The following XPR1 variants were observed in gnomAD, a reference collection of about 807,000 sequenced individuals.
XPR1 encodes the protein solute carrier family 53 member 1.
XPR1 carries 28 observed loss-of-function variants against 87.5 expected under a neutral mutation model. That is an observed-to-expected ratio of 0.32 (90% CI 0.24 to 0.44). The LOEUF (loss-of-function observed/expected upper bound fraction) is 0.44, where lower values mean the gene tolerates loss of function less well. Ranked by LOEUF, XPR1 falls within the 20% of genes least tolerant of loss-of-function variation. The pLI, the probability that XPR1 is intolerant of heterozygous loss-of-function variation, is 1.00. For missense variants in XPR1, 559 were observed against 862.3 expected, an observed-to-expected ratio of 0.65 and a Z score of 4.41; for synonymous variants, 300 against 306.1, an observed-to-expected ratio of 0.98 and a Z score of 0.21.
At chr1:180,642,194 C>T (rs1033981826) in intron 1 of XPR1, among the ~76,000 whole-genome samples, 10 of 152,062 alleles carry the variant, frequency 6.6e-5, no homozygotes, top group African/African-American at 2.4e-4. Context: ...CTTGAGGGGT[C>T]AGGTAACAAT....
At chr1:180,679,542 C>T (rs1031055970) in intron 1 of XPR1, among the ~76,000 whole-genome samples, 1 of 152,162 alleles carries the variant, frequency 6.6e-6, no homozygotes, top group Non-Finnish European at 1.5e-5. Context: ...GTATTTCAAG[C>T]TTTGAAGCTA....
At chr1:180,685,661 A>C (rs1656743469) in intron 2 of XPR1, among the ~76,000 whole-genome samples, 1 of 152,172 alleles carries the variant, frequency 6.6e-6, no homozygotes, top group African/African-American at 2.4e-5. Flanking sequence ...CCTCAATTTC[A>C]GAGCCTGTTA....
chr1:180,717,848 A>G (rs1306506728), intron 2 of XPR1, among the ~76,000 whole-genome samples: 1 of 152,154 alleles, frequency 6.6e-6, no homozygotes, highest in Admixed American at 6.5e-5. Flanking sequence ...CTAGCACACT[A>G]CTATTAGGTT....
At chr1:180,643,938 C>T (rs1033697317) in intron 1 of XPR1, among the ~76,000 whole-genome samples, 19 of 152,200 alleles carry the variant, frequency 1.2e-4, no homozygotes, top group African/African-American at 4.6e-4. Flanking sequence ...AATGTCTTTA[C>T]TCTGATGAAT....
At chr1:180,858,330 C>T (rs1652102282) in intron 11 of XPR1, among the ~76,000 whole-genome samples, 1 of 152,184 alleles carries the variant, frequency 6.6e-6, no homozygotes, top group Non-Finnish European at 1.5e-5. Flanking sequence ...ATCTTACTTC[C>T]CTCATCTGAG....
intron 3 of XPR1, among the ~76,000 whole-genome samples, chr1:180,794,581 A>G (rs74135835): frequency 0.024 from 3,690 of 152,320 alleles, 152 homozygotes; most frequent in African/African-American, 0.083. Flanking sequence ...ACTGACATGA[A>G]GAAGCCTTGA....
Position 180,806,221 on chromosome 1 carries a change from T to G in XPR1, c.597+10T>G. On this transcript the variant is annotated intron_variant, in intron 5 of 14. Coordinates refer to ENST00000367590, the MANE Select transcript of XPR1 (RefSeq NM_004736.4). ...TATCTCTGAAACTGAGGTACAATAA[T>G]CTCGTTTATTTACAACGTATTTTCA... 1.2e-6 allele frequency: 2 copies of G among 1,609,648 alleles called. No individual in the cohort carries two copies. Among genetic ancestry groups the G allele is most frequent in the Non-Finnish European group, 1.7e-6 (2 of 1,177,120 alleles).
intron 11 of XPR1, among the ~76,000 whole-genome samples, chr1:180,847,542 A>C (rs1651723799): frequency 6.6e-6 from 1 of 152,180 alleles, no homozygotes. Context: ...AATTGAGAGA[A>C]TAATTCCCAC....
chr1:180,683,468 T>C lies in XPR1; in HGVS notation c.121+1057T>C, dbSNP rs200445279. ...TATAGCAGCGTGATTTATAATCCTT[T>C]GGGTATATACCCAGTAATGGGATGG... On this transcript the variant is annotated intron_variant, in intron 2 of 14. Transcript: ENST00000367590. Among the ~76,000 whole-genome samples the C allele has an allele frequency of 0.022, 3,340 of 152,316 alleles. 409 individuals carry two copies. In the East Asian group the frequency reaches 0.36, roughly 17 times the overall value.
chr1:180,754,820 T>A (rs1450445302), intron 2 of XPR1, among the ~76,000 whole-genome samples: 1 of 152,092 alleles, frequency 6.6e-6, no homozygotes, highest in East Asian at 1.9e-4. Flanking sequence ...CTCAAAAAAT[T>A]TCATGTCTTC....
intron 3 of XPR1, 33 bp downstream of exon 3, chr1:180,787,887 C>A: frequency 6.9e-7 from 1 of 1,448,038 alleles, no homozygotes; most frequent in Admixed American, 1.9e-5. Flanking sequence ...TTTTTGCTGC[C>A]GGGGAAGGAT....
intron 3 of XPR1, among the ~76,000 whole-genome samples, chr1:180,801,716 G>A (rs1484981798): frequency 5.9e-5 from 9 of 151,864 alleles, no homozygotes; most frequent in African/African-American, 1.9e-4. Flanking sequence ...GAAAGCATAA[G>A]TTGTAAATAA....
At chr1:180,708,916 G>A (rs1439119994) in intron 2 of XPR1, among the ~76,000 whole-genome samples, 2 of 116,612 alleles carry the variant, frequency 1.7e-5, no homozygotes, top group Non-Finnish European at 3.7e-5. Flanking sequence ...TTTTGGGGGG[G>A]GGGGGGCGGG....
At chr1:180,707,600 G>T (rs1310598091) in intron 2 of XPR1, among the ~76,000 whole-genome samples, 1 of 152,082 alleles carries the variant, frequency 6.6e-6, no homozygotes, top group Non-Finnish European at 1.5e-5. Context: ...CCCTGTTCCT[G>T]TTTATAGATT....
chr1:180,803,144 C>G (rs986564224), intron 3 of XPR1, among the ~76,000 whole-genome samples: 1 of 152,162 alleles, frequency 6.6e-6, no homozygotes, highest in African/African-American at 2.4e-5. Context: ...CGTTTTCACT[C>G]TTAGTGGCTC....
chr1:180,738,460 A>G (rs1658801380), intron 2 of XPR1, among the ~76,000 whole-genome samples: 1 of 152,188 alleles, frequency 6.6e-6, no homozygotes, highest in Non-Finnish European at 1.5e-5. Flanking sequence ...ATATTTGTAT[A>G]AATAGGATCT....
At chr1:180,844,689 TTCAGGC>T (rs1651621012) in intron 11 of XPR1, among the ~76,000 whole-genome samples, 1 of 152,250 alleles carries the variant, frequency 6.6e-6, no homozygotes, top group Non-Finnish European at 1.5e-5. Flanking sequence ...CTGGATAGCC[TTCAGGC>T]TGCTATTCTG....
At chr1:180,824,409 T>C (rs1408834730) in intron 7 of XPR1, among the ~76,000 whole-genome samples, 1 of 152,086 alleles carries the variant, frequency 6.6e-6, no homozygotes, top group Non-Finnish European at 1.5e-5. Context: ...GGTGAAACCC[T>C]GTCTGTACTA....
At chr1:180,850,168 A>G (rs1260336644) in intron 11 of XPR1, among the ~76,000 whole-genome samples, 1 of 152,206 alleles carries the variant, frequency 6.6e-6, no homozygotes, top group East Asian at 1.9e-4. Flanking sequence ...ATTTTATTTA[A>G]AAGAAAAATG....
Sources: gnomAD v4.1 joint callset for allele counts (sites outside exome capture counted in the v4.1 genomes callset) on GRCh38, gnomAD v4.1.1 for gene constraint, MANE v1.5 for transcripts, NCBI Gene and HGNC (gene_info 2026-07-23, HGNC 2026-07-21) for gene names.